Variants in KAT6A observed in about 807,000 individuals in gnomAD.
KAT6A encodes histone acetyltransferase KAT6A.
KAT6A carries 9 observed loss-of-function variants against 198.4 expected under a neutral mutation model. The observed-to-expected ratio is 0.05, with a 90% CI of 0.03 to 0.08. KAT6A has a LOEUF of 0.08. KAT6A is among the 10% of genes least tolerant of loss of function. The pLI is 1.00. For missense variants in KAT6A, 2,077 were observed against 2,509.9 expected (o/e 0.83, Z 3.69); for synonymous variants, 890 against 883.0 (o/e 1.01, Z -0.14).
At chr8:41,999,202 G>A (rs556394480) in intron 2 of KAT6A, among the ~76,000 whole-genome samples, 47 of 152,226 alleles carry the variant, frequency 3.1e-4, no homozygotes, top group African/African-American at 1.1e-3. Context: ...CATCAAAAAT[G>A]ACAATATCCA....
chr8:42,008,784 G>A (rs924988912), intron 2 of KAT6A, among the ~76,000 whole-genome samples: 3 of 152,140 alleles, frequency 2.0e-5, no homozygotes, highest in Non-Finnish European at 4.4e-5. Flanking sequence ...TACTTGAAAT[G>A]TGCTAGTGGT....
At chr8:41,965,876 G>C (rs1304432286) in intron 8 of KAT6A, among the ~76,000 whole-genome samples, 1 of 152,102 alleles carries the variant, frequency 6.6e-6, no homozygotes, top group Non-Finnish European at 1.5e-5. Context: ...CTGAAAGTAG[G>C]AATGGTAGGT....
intron 1 of KAT6A, among the ~76,000 whole-genome samples, chr8:42,051,142 G>A (rs1336973301): frequency 6.6e-6 from 1 of 152,164 alleles, no homozygotes; most frequent in Non-Finnish European, 1.5e-5. Context: ...CATAGCCCCG[G>A]CCCAGCTCCG....
intron 6 of KAT6A, among the ~76,000 whole-genome samples, chr8:41,978,055 T>C (rs1020255541): frequency 1.3e-5 from 2 of 152,184 alleles, no homozygotes; most frequent in East Asian, 3.8e-4. Flanking sequence ...TTGCCCCACC[T>C]CCTCCAGACA....
At chr8:41,950,909 G>A (rs191435036) in intron 9 of KAT6A, among the ~76,000 whole-genome samples, 4 of 152,098 alleles carry the variant, frequency 2.6e-5, no homozygotes, top group Admixed American at 2.6e-4. Context: ...TTCAATAAAT[G>A]CTAATTACTT....
intron 12 of KAT6A, among the ~76,000 whole-genome samples, chr8:41,944,627 T>C (rs1274129414): frequency 6.6e-6 from 1 of 152,058 alleles, no homozygotes; most frequent in Non-Finnish European, 1.5e-5. Context: ...AAAGAAAACA[T>C]AAAAGCAGTC....
chr8:42,043,822 T>G (rs891288509), intron 2 of KAT6A, among the ~76,000 whole-genome samples: 3 of 152,182 alleles, frequency 2.0e-5, no homozygotes, highest in Non-Finnish European at 4.4e-5. Context: ...ACCTAATATT[T>G]GTGTGACTTC....
intron 8 of KAT6A, among the ~76,000 whole-genome samples, chr8:41,959,660 T>C (rs1318027883): frequency 6.6e-6 from 1 of 152,142 alleles, no homozygotes; most frequent in Non-Finnish European, 1.5e-5. Context: ...TCTCCAGCCT[T>C]AAAAAGGAAG....
chr8:41,955,006 T>C (rs1204561641), intron 9 of KAT6A, among the ~76,000 whole-genome samples: 3 of 150,524 alleles, frequency 2.0e-5, no homozygotes, highest in African/African-American at 4.9e-5. Context: ...GTGATAGGAG[T>C]GAAGACAAAT....
Position 42,048,727 on chromosome 8 carries a change from T to G in KAT6A, c.251A>C (p.Lys84Thr). ...ATCCAATTTTCCATGGTTCCGAGGC[T>G]TAGGAAGTGCTATTCGCCCAGGATT... The part of the protein sequence containing the change: ...PDNPGRIALP[K>T]PRNHGKLDNK... Residue 84 changes from lysine to threonine, a missense_variant, in exon 2 of 17, where the codon AAG becomes ACG. Lys to Thr is a moderately conservative substitution (Grantham distance 78). Transcript: ENST00000265713. The G allele has an allele frequency of 6.2e-7, 1 of 1,614,222 alleles. No individual in the cohort carries two copies. Among genetic ancestry groups the G allele is most frequent in the South Asian group, 1.1e-5 (1 of 91,080 alleles).
At chr8:41,967,327 G>A (rs1823558790) in intron 8 of KAT6A, among the ~76,000 whole-genome samples, 1 of 118,698 alleles carries the variant, frequency 8.4e-6, no homozygotes, top group Non-Finnish European at 1.8e-5. Context: ...TTAAGTTTTA[G>A]GGTACATGTG....
intron 2 of KAT6A, among the ~76,000 whole-genome samples, chr8:42,040,338 G>A (rs556776789): frequency 1.3e-5 from 2 of 152,148 alleles, no homozygotes; most frequent in African/African-American, 4.8e-5. Context: ...TGTGGTACCC[G>A]ATGTCTTCAT....
intron 2 of KAT6A, among the ~76,000 whole-genome samples, chr8:41,996,296 G>C (rs952274960): frequency 3.3e-5 from 5 of 152,114 alleles, no homozygotes; most frequent in African/African-American, 1.2e-4. Context: ...CAGGTATGTG[G>C]TTTCTAAAAG....
chr8:42,001,966 A>C (rs2150903136), intron 2 of KAT6A, among the ~76,000 whole-genome samples: 1 of 152,330 alleles, frequency 6.6e-6, no homozygotes, highest in African/African-American at 2.4e-5. Context: ...CCCAATTATA[A>C]AATCGTAACA....
At chr8:41,941,580 TG>T in intron 14 of KAT6A, 136 bp from the exon 15 acceptor site, 1 of 866,988 alleles carries the variant, frequency 1.2e-6, no homozygotes, top group Non-Finnish European at 1.7e-6. Context: ...TTATTTAACA[TG>T]GATATTTCCT....
intron 2 of KAT6A, among the ~76,000 whole-genome samples, chr8:42,030,641 C>T (rs1435620970): frequency 1.3e-5 from 2 of 151,714 alleles, no homozygotes; most frequent in Non-Finnish European, 2.9e-5. Context: ...CTTGGTTCAC[C>T]GCAAACTCTG....
chr8:42,035,951 A>T (rs554537443), intron 2 of KAT6A, among the ~76,000 whole-genome samples: 4 of 152,256 alleles, frequency 2.6e-5, no homozygotes, highest in Middle Eastern at 3.4e-3. Flanking sequence ...TTGATGGCAC[A>T]CGGCCCCTGA....
intron 2 of KAT6A, among the ~76,000 whole-genome samples, chr8:42,035,363 C>T (rs532054370): frequency 6.6e-6 from 1 of 152,234 alleles, no homozygotes; most frequent in South Asian, 2.1e-4. Flanking sequence ...AAATACTACA[C>T]AATGGAATAT....
chr8:41,996,711 C>A (rs1221717774), intron 2 of KAT6A, among the ~76,000 whole-genome samples: 1 of 152,148 alleles, frequency 6.6e-6, no homozygotes, highest in South Asian at 2.1e-4. Flanking sequence ...TATAGCACTG[C>A]AAGAAGGCCC....
Sources: allele counts gnomAD v4.1 joint callset (sites outside exome capture counted in the v4.1 genomes callset), GRCh38; gene constraint gnomAD v4.1.1; transcripts MANE v1.5; gene names NCBI Gene and HGNC (gene_info 2026-07-23, HGNC 2026-07-21).